The following PLEKHH3 variants were observed in gnomAD, a reference collection of about 807,000 sequenced individuals.
PLEKHH3 encodes pleckstrin homology domain-containing family H member 3.
Under a neutral mutation model 77.8 loss-of-function variants are expected in PLEKHH3, and 57 were observed. The observed-to-expected ratio is 0.73, with a 90% CI of 0.59 to 0.91. The LOEUF (loss-of-function observed/expected upper bound fraction) is 0.91. PLEKHH3 is among the 40% of genes least tolerant of loss of function. The pLI is 0.00. For missense variants in PLEKHH3, 1,082 were observed against 1,091.2 expected (o/e 0.99, Z 0.12); for synonymous variants, 467 against 504.8 (o/e 0.93, Z 1.00).
At chr17:42,672,982 A>AG (rs1342069532) in intron 6 of PLEKHH3, among the ~76,000 whole-genome samples, 194 bp downstream of exon 6, 2 of 152,190 alleles carry the variant, frequency 1.3e-5, no homozygotes, top group Non-Finnish European at 2.9e-5. Context: ...AGGTGGCCAA[A>AG]GGGGGCCCTT....
At position 42,673,712 on chromosome 17, in the gene PLEKHH3, G is replaced by C; in HGVS notation, c.421C>G (p.Arg141Gly). ...QFSSSGKGAR[R>G]LGSLVLTSLC... is the part of the protein sequence containing the mutation. ...CTGGTGAGCACGAGGCTCCCGAGACGCCGCGCCCCTTTCCCGCTGCTGCTG... is the reference window on the plus strand; with the variant it reads ...CTGGTGAGCACGAGGCTCCCGAGACCCCGCGCCCCTTTCCCGCTGCTGCTG... Residue 141 changes from arginine (R) to glycine (G), a missense_variant, in exon 4 of 13, where the codon CGT (arginine) becomes GGT (glycine). By Grantham distance (125) the Arg-to-Gly change is moderately radical. Coordinates refer to ENST00000591022, the MANE Select transcript of PLEKHH3 (RefSeq NM_024927.5). The C allele has an allele frequency of 6.2e-7, 1 of 1,601,328 alleles. No individual in the cohort carries two copies. The highest frequency in any genetic ancestry group is 8.5e-7 in the Non-Finnish European group (1 of 1,179,852).
chr17:42,669,368 G>C, intron 12 of PLEKHH3, 62 bp downstream of exon 12: 1 of 1,454,700 alleles, frequency 6.9e-7, no homozygotes, highest in South Asian at 1.5e-5. Context: ...TTGGTGTTCT[G>C]TAAATGCTTC....
chr17:42,668,373 A>G, intron 12 of PLEKHH3, 70 bp from the exon 13 acceptor site: 1 of 1,374,374 alleles, frequency 7.3e-7, no homozygotes, highest in Non-Finnish European at 9.5e-7. Context: ...TCCTTTCTCC[A>G]GGCTCTAGGG....
At position 42,672,084 on chromosome 17, in the gene PLEKHH3, A is replaced by G; in HGVS notation, c.1076+2T>C. The G allele has an allele frequency of 6.8e-7, 1 of 1,470,378 alleles. No homozygotes were observed. Among genetic ancestry groups the G allele is most frequent in the Admixed American group, 2.5e-5 (1 of 40,572 alleles). The allele number at this position is 1,470,378 out of a possible 1,614,324, so 91.1% of individuals were successfully genotyped here. A position where few individuals can be genotyped will look rare whatever the true frequency, so the allele number is the denominator to read the frequency against. On this transcript the variant is annotated splice_donor_variant, in intron 7 of 12. Transcript: ENST00000591022. LOFTEE classifies it high-confidence loss of function. Reference sequence around the variant, plus strand: ...CCGTAACCCCCACCTCGCCCCTCTCACCTCTCCAAGTGCCCCAGGAGGTGC... The same window carrying G: ...CCGTAACCCCCACCTCGCCCCTCTCGCCTCTCCAAGTGCCCCAGGAGGTGC...
Position 42,671,372 on chromosome 17 carries a change from G to A in PLEKHH3, c.1263C>T (p.Asp421=). The A allele has an allele frequency of 1.2e-6, 2 of 1,612,972 alleles. No homozygotes were observed. Among genetic ancestry groups the A allele is most frequent in the Non-Finnish European group, 1.7e-6 (2 of 1,179,936 alleles). Residue 421 remains aspartate, a synonymous_variant, in exon 8 of 13, where the codon GAC becomes GAT. Transcript: ENST00000591022. The surrounding 1 kb of genome is among the most constrained non-coding windows in gnomAD (Gnocchi z 4.7). ...PGAGACAVAI[D]SHTTAGEVAR... ...TCACCTCCCCCGCCGTGGTGTGGGA[G>A]TCGATGGCCACAGCACAGGCACCAG...
rs1240795571 is a variant in PLEKHH3 at position 42,668,109 on chromosome 17, C to T, written c.*18G>A. On this transcript the variant is annotated 3_prime_UTR_variant, in exon 13 of 13. Coordinates refer to ENST00000591022, the MANE Select transcript of PLEKHH3 (RefSeq NM_024927.5). Reference sequence around the variant, plus strand: ...CCCAGGCTGCAGGCAGGAGGGAAGTCGTGACCTCTTGGCAGGCTCAGTCCT... The same window carrying T: ...CCCAGGCTGCAGGCAGGAGGGAAGTTGTGACCTCTTGGCAGGCTCAGTCCT... 3.5e-5 allele frequency: 49 copies of T among 1,403,010 alleles called. 1 individual carries two copies. The highest frequency in any genetic ancestry group is 4.0e-5 in the Non-Finnish European group (43 of 1,083,024). 86.9% of individuals were successfully genotyped at this position (1,403,010 alleles called of 1,614,324 possible). A position where few individuals can be genotyped will look rare whatever the true frequency, so the allele number is the denominator to read the frequency against.
At position 42,673,222 on chromosome 17, in the gene PLEKHH3, G is replaced by A. The variant is rs1475206687; in HGVS notation, c.723C>T (p.Ala241=). Residue 241 remains alanine (A), a synonymous_variant, in exon 6 of 13, where the codon GCC becomes GCT. Coordinates refer to ENST00000591022, the MANE Select transcript of PLEKHH3 (RefSeq NM_024927.5). ...GCAGGGGCAGGAGTGGGGCATACAA[G>A]GCTCCACTAGTGTGTCTCAGAATCG... is the stretch of plus-strand genomic sequence containing the variant. ...RNPILRHTSG[A]LYAPLLPLPY... 1 of 1,571,192 alleles carries A rather than the reference G, an allele frequency of 6.4e-7. No individual in the cohort carries two copies. The highest frequency in any genetic ancestry group is 1.4e-5 in the African/African-American group (1 of 72,578).
intron 11 of PLEKHH3, 137 bp downstream of exon 11, chr17:42,669,781 C>T: frequency 6.6e-7 from 1 of 1,512,358 alleles, no homozygotes; most frequent in Non-Finnish European, 8.9e-7. Context: ...GGCCCAAGGG[C>T]TGGTGACTCC....
At position 42,676,071 on chromosome 17, in the gene PLEKHH3, C is replaced by T; in HGVS notation, c.162+331G>A. On this transcript the variant is annotated intron_variant, in intron 1 of 12. Transcript: ENST00000591022. The surrounding 1 kb of genome is among the most constrained non-coding windows in gnomAD (Gnocchi z 6.6). Reference sequence around the variant, plus strand: ...CAGCCGGCCTCGCCACATTCCTCGGCGCTGGCGGAGGCGGAAGGAGACGGG... The same window carrying T: ...CAGCCGGCCTCGCCACATTCCTCGGTGCTGGCGGAGGCGGAAGGAGACGGG... 8.4e-7 allele frequency: 1 copy of T among 1,188,336 alleles called. No individual in the cohort carries two copies. Among genetic ancestry groups the T allele is most frequent in the Non-Finnish European group, 1.0e-6 (1 of 956,498 alleles). The allele number at this position is 1,188,336 out of a possible 1,614,324, so 73.6% of individuals were successfully genotyped here. A position where few individuals can be genotyped will look rare whatever the true frequency, so the allele number is the denominator to read the frequency against.
intron 11 of PLEKHH3, 111 bp from the exon 12 acceptor site, chr17:42,669,732 G>A (rs1457306169): frequency 8.9e-6 from 13 of 1,458,888 alleles, no homozygotes; most frequent in Non-Finnish European, 1.1e-5. Context: ...ATGATTCACA[G>A]CACGTGTGTG....
chr17:42,675,765 C>G, intron 1 of PLEKHH3: 2 of 669,362 alleles, frequency 3.0e-6, no homozygotes, highest in Non-Finnish European at 3.7e-6. Flanking sequence ...CGGGGAGATT[C>G]GACAAAACCA....
chr17:42,675,081 G>A (rs899192516), intron 1 of PLEKHH3, among the ~76,000 whole-genome samples: 1 of 152,184 alleles, frequency 6.6e-6, no homozygotes, highest in South Asian at 2.1e-4. Context: ...GGCAGGTGTA[G>A]TTCAGGGTTT....
In PLEKHH3 at chr17:42,669,537, G is replaced by C. The variant is rs766170381; in HGVS notation, c.2098C>G (p.Pro700Ala). ...MSLSRPGETE[P>A]IHSVSYGHVA... Reference sequence around the variant, plus strand: ...TGGCCATAGCTGACACTGTGGATGGGCTCCGTCTCCCCTGGCCGGGAGAGG... The same window carrying C: ...TGGCCATAGCTGACACTGTGGATGGCCTCCGTCTCCCCTGGCCGGGAGAGG... The change falls in exon 12 of 13, where the codon CCC becomes GCC. Residue 700 changes from proline to alanine, a missense_variant. Physicochemically the swap from Pro to Ala is conservative, Grantham distance 27. This residue lies in a region of PLEKHH3 where 733 missense variants were observed against 750.0 expected (regional missense o/e 0.98). Transcript: ENST00000591022. The C allele has an allele frequency of 6.2e-7, 1 of 1,611,808 alleles. No homozygotes were observed.
At chr17:42,670,849 C>T (rs2143569600) in intron 9 of PLEKHH3, 144 bp from the exon 10 acceptor site, 1 of 1,523,708 alleles carries the variant, frequency 6.6e-7, no homozygotes, top group East Asian at 2.3e-5. Flanking sequence ...GGACTGCAAA[C>T]CTGCGGCGGG....
Position 42,670,302 on chromosome 17 carries a change from C to G in PLEKHH3, c.1629G>C (p.Leu543=). The G allele has an allele frequency of 7.3e-7, 1 of 1,370,092 alleles. No individual in the cohort carries two copies. The highest frequency in any genetic ancestry group is 1.7e-5 in the South Asian group (1 of 58,984). The allele number at this position is 1,370,092 out of a possible 1,614,324, so 84.9% of individuals were successfully genotyped here. The part of the protein sequence containing the change: ...DTLRALAALR[L]QSLQRDFSPR... ...GAGAGAAGTCCCGCTGCAGGCTCTG[C>G]AGGCGCAGCGCCGCCAGGGCGCGCA... Residue 543 remains leucine, a synonymous_variant, in exon 11 of 13, where the codon CTG becomes CTC. Transcript: ENST00000591022.
At position 42,676,489 on chromosome 17, in the gene PLEKHH3, C is replaced by T. The variant is rs753778208; in HGVS notation, c.75G>A (p.Gly25=). 3 of 1,610,788 alleles carry T rather than the reference C, an allele frequency of 1.9e-6. No individual in the cohort carries two copies. Among genetic ancestry groups the T allele is most frequent in the East Asian group, 2.2e-5 (1 of 44,796 alleles). Residue 25 remains glycine, a synonymous_variant, in exon 1 of 13, where the codon GGG becomes GGA. Coordinates refer to ENST00000591022, the MANE Select transcript of PLEKHH3 (RefSeq NM_024927.5). The surrounding 1 kb of genome is among the most constrained non-coding windows in gnomAD (Gnocchi z 6.6). Reference sequence around the variant, plus strand: ...CCCCGTCCCCGCTAAGCTCGCCGTCCCCGTAGTCCCGGTGCAGAAGAGTGA... The same window carrying T: ...CCCCGTCCCCGCTAAGCTCGCCGTCTCCGTAGTCCCGGTGCAGAAGAGTGA... ...RGFTLLHRDY[G]DGELSGDGDE... is the part of the protein sequence containing the mutation.
chr17:42,676,731 G>A lies in PLEKHH3; in HGVS notation c.-168C>T, dbSNP rs2052836351. ...GTCCTGGGCTGGGGTGCAAGGGGAC[G>A]CTAGCCAGACGCTGAGGGGGGCTCA... On this transcript the variant is annotated 5_prime_UTR_variant, in exon 1 of 13. Transcript: ENST00000591022. The surrounding 1 kb of genome is among the most constrained non-coding windows in gnomAD (Gnocchi z 6.6). The A allele has an allele frequency of 4.4e-6, 3 of 677,702 alleles. No homozygotes were observed. The highest frequency in any genetic ancestry group is 1.8e-5 in the South Asian group (1 of 56,550). The allele number at this position is 677,702 out of a possible 1,614,324, so 42.0% of individuals were successfully genotyped here.
In PLEKHH3 at chr17:42,669,571, C is replaced by T. The variant is rs1380421118; in HGVS notation, c.2064G>A (p.Lys688=). 1.2e-6 allele frequency: 2 copies of T among 1,611,228 alleles called. No homozygotes were observed. The highest frequency in any genetic ancestry group is 1.1e-5 in the South Asian group (1 of 90,996). ...PQKLCLGLGA[K]AMSLSRPGET... ...CCCCTGGCCGGGAGAGGGACATGGC[C>T]TTGGCTCCCAAGCCCAGGCACAGCT... Residue 688 remains lysine (K), a synonymous_variant, in exon 12 of 13, where the codon AAG becomes AAA. Transcript: ENST00000591022.
At position 42,672,071 on chromosome 17, in the gene PLEKHH3, C is replaced by T. The variant is rs2052714494; in HGVS notation, c.1076+15G>A. On this transcript the variant is annotated intron_variant, in intron 7 of 12. Coordinates refer to ENST00000591022, the MANE Select transcript of PLEKHH3 (RefSeq NM_024927.5). ...CTCCTCGCCTAGGCCGTAACCCCCA[C>T]CTCGCCCCTCTCACCTCTCCAAGTG... The T allele has an allele frequency of 1.4e-6, 2 of 1,458,538 alleles. No homozygotes were observed. Among genetic ancestry groups the T allele is most frequent in the South Asian group, 1.4e-5 (1 of 69,316 alleles). The allele number at this position is 1,458,538 out of a possible 1,614,324, so 90.3% of individuals were successfully genotyped here. A position where few individuals can be genotyped will look rare whatever the true frequency, so the allele number is the denominator to read the frequency against.
Sources: allele counts gnomAD v4.1 joint callset (sites outside exome capture counted in the v4.1 genomes callset), GRCh38; gene constraint gnomAD v4.1.1; regional missense constraint gnomAD v4.1.1; non-coding constraint Gnocchi (gnomAD v3.1); transcripts MANE v1.5; gene names NCBI Gene and HGNC (gene_info 2026-07-23, HGNC 2026-07-21).